KIF6: variants seen among roughly 807,000 people sequenced by gnomAD.
KIF6 encodes kinesin family member 6.
KIF6 carries 106 observed loss-of-function variants against 112.7 expected under a neutral mutation model. The observed-to-expected ratio is 0.94, with a 90% CI of 0.80 to 1.11. KIF6 has a LOEUF of 1.11. Among genes scored for constraint, KIF6 ranks in the 50% least tolerant of loss-of-function variants. KIF6 has a pLI of 0.00. For missense variants in KIF6, 929 were observed against 964.0 expected, an observed-to-expected ratio of 0.96 and a Z score of 0.48; for synonymous variants, 339 against 339.9, an observed-to-expected ratio of 1.00 and a Z score of 0.03.
chr6:39,725,331 G>A lies in KIF6; in HGVS notation c.-21C>T, dbSNP rs764152222. 14 of 1,597,488 alleles carry A rather than the reference G, an allele frequency of 8.8e-6. No individual in the cohort carries two copies. The highest frequency in any genetic ancestry group is 1.4e-5 in the African/African-American group (1 of 73,132). Reference sequence around the variant, plus strand: ...ACCATCTCCTCCCTGGCTCTGCAATGACCCTTGACCTCTCTCAGGCCCGGG... The same window carrying A: ...ACCATCTCCTCCCTGGCTCTGCAATAACCCTTGACCTCTCTCAGGCCCGGG... On this transcript the variant is annotated 5_prime_UTR_variant, in exon 1 of 23. Coordinates refer to ENST00000287152, the MANE Select transcript of KIF6 (RefSeq NM_145027.6).
chr6:39,551,051 T>C (rs1249268358), intron 10 of KIF6, among the ~76,000 whole-genome samples: 2 of 152,204 alleles, frequency 1.3e-5, no homozygotes, highest in East Asian at 3.9e-4. Context: ...CTGCAATAAA[T>C]ATGGGAGTGC....
At chr6:39,607,017 T>G (rs1782927763) in intron 6 of KIF6, among the ~76,000 whole-genome samples, 1 of 152,232 alleles carries the variant, frequency 6.6e-6, no homozygotes, top group Admixed American at 6.6e-5. Context: ...TATGGCTATT[T>G]CCTTGTTTCA....
intron 17 of KIF6, 54 bp downstream of exon 17, chr6:39,362,380 A>C (rs1765226012): frequency 2.2e-6 from 3 of 1,378,892 alleles, no homozygotes; most frequent in Non-Finnish European, 3.1e-6. Flanking sequence ...CCAGGACGAC[A>C]CTGAGACCCT....
chr6:39,706,462 C>T (rs980271364), intron 3 of KIF6, among the ~76,000 whole-genome samples: 1 of 152,212 alleles, frequency 6.6e-6, no homozygotes, highest in African/African-American at 2.4e-5. Flanking sequence ...TCAAGGTCAT[C>T]ATCTTGTATA....
chr6:39,654,373 C>G (rs1785650834), intron 3 of KIF6, among the ~76,000 whole-genome samples: 1 of 152,138 alleles, frequency 6.6e-6, no homozygotes, highest in Non-Finnish European at 1.5e-5. Context: ...ATTGGCCGTC[C>G]TCCTATCTAA....
intron 13 of KIF6, among the ~76,000 whole-genome samples, chr6:39,443,142 AATAATAATAATAATAAT>A (rs1772045171): frequency 7.1e-6 from 1 of 141,334 alleles, no homozygotes; most frequent in Non-Finnish European, 1.5e-5. Flanking sequence ...TAATAATAAT[AATAATAATAATAATAAT>A]AAATAAAAAT....
chr6:39,341,762 G>A (rs1038589464), intron 22 of KIF6, among the ~76,000 whole-genome samples: 3 of 151,926 alleles, frequency 2.0e-5, no homozygotes, highest in Non-Finnish European at 2.9e-5. Flanking sequence ...CATTCTCTTC[G>A]CTGCTCAGAT....
intron 13 of KIF6, among the ~76,000 whole-genome samples, chr6:39,524,261 T>G (rs1303533633): frequency 6.6e-6 from 1 of 152,142 alleles, no homozygotes; most frequent in Non-Finnish European, 1.5e-5. Flanking sequence ...AAATACAGCA[T>G]ATATTTTGTC....
chr6:39,518,552 T>C (rs1777199444), intron 13 of KIF6, among the ~76,000 whole-genome samples: 1 of 152,238 alleles, frequency 6.6e-6, no homozygotes, highest in Non-Finnish European at 1.5e-5. Context: ...TGAAGTACTA[T>C]ACTACAGTCT....
chr6:39,523,628 T>G (rs1439967599), intron 13 of KIF6, among the ~76,000 whole-genome samples: 24 of 124,156 alleles, frequency 1.9e-4, no homozygotes, highest in African/African-American at 6.8e-4. Context: ...TTTACTTCCC[T>G]CCCCTATTAA....
intron 7 of KIF6, among the ~76,000 whole-genome samples, chr6:39,588,766 C>A (rs929199197): frequency 6.6e-6 from 1 of 152,126 alleles, no homozygotes; most frequent in Non-Finnish European, 1.5e-5. Context: ...TGTCTTCATC[C>A]CCAATATCCA....
At chr6:39,391,959 A>G (rs528720572) in intron 15 of KIF6, among the ~76,000 whole-genome samples, 148 of 151,472 alleles carry the variant, frequency 9.8e-4, no homozygotes, top group Middle Eastern at 3.4e-3. Flanking sequence ...ATATATATAT[A>G]TGTGTGTGTG....
intron 6 of KIF6, among the ~76,000 whole-genome samples, chr6:39,607,404 A>G (rs904502861): frequency 9.2e-5 from 14 of 152,254 alleles, no homozygotes; most frequent in African/African-American, 3.4e-4. Context: ...TTTCATATAT[A>G]AAATATAAGA....
chr6:39,348,016 C>A (rs9462535), intron 19 of KIF6, among the ~76,000 whole-genome samples: 76,024 of 152,122 alleles, frequency 0.5, 21,412 homozygotes, highest in African/African-American at 0.77. Flanking sequence ...AGGTAGCCAC[C>A]AGGTGGCAGG....
intron 3 of KIF6, among the ~76,000 whole-genome samples, chr6:39,708,772 T>C (rs1789361822): frequency 6.6e-6 from 1 of 152,134 alleles, no homozygotes; most frequent in African/African-American, 2.4e-5. Flanking sequence ...CCTAAGTCTT[T>C]GAATGAAATG....
At position 39,361,668 on chromosome 6, in the gene KIF6, C is replaced by T. The variant is rs1386903716; in HGVS notation, c.1946+766G>A. Among the ~76,000 whole-genome samples, 7 of 151,644 alleles carry T rather than the reference C, an allele frequency of 4.6e-5. No homozygotes were observed. In the East Asian group the frequency reaches 5.8e-4, roughly 13 times the overall value. On this transcript the variant is annotated intron_variant, in intron 17 of 22. Coordinates refer to ENST00000287152, the MANE Select transcript of KIF6 (RefSeq NM_145027.6). ...GCGAGGGCCCCAAGGGAGTGGAGAG[C>T]GACAGCAGCGTGTGTGCTCAGGTAG... is the stretch of plus-strand genomic sequence containing the variant.
At chr6:39,353,717 G>C (rs1238240635) in intron 19 of KIF6, 1 of 203,922 alleles carries the variant, frequency 4.9e-6, no homozygotes, top group African/African-American at 2.3e-5. Flanking sequence ...AAACCAGAAT[G>C]TGAGGCAGTG....
intron 13 of KIF6, among the ~76,000 whole-genome samples, chr6:39,462,042 T>C (rs1013332643): frequency 6.6e-6 from 1 of 152,224 alleles, no homozygotes; most frequent in African/African-American, 2.4e-5. Context: ...ATTCCAAGTA[T>C]TCAATAGTCA....
intron 22 of KIF6, among the ~76,000 whole-genome samples, chr6:39,338,678 G>C (rs1763157134): frequency 6.6e-6 from 1 of 152,152 alleles, no homozygotes; most frequent in Non-Finnish European, 1.5e-5. Flanking sequence ...GGATCACTGG[G>C]GTGGGTCCAG....
Sources: gnomAD v4.1 joint callset for allele counts (sites outside exome capture counted in the v4.1 genomes callset) on GRCh38, gnomAD v4.1.1 for gene constraint, MANE v1.5 for transcripts, NCBI Gene and HGNC (gene_info 2026-07-23, HGNC 2026-07-21) for gene names.